The following CNTNAP4 variants were observed in gnomAD, a reference collection of about 807,000 sequenced individuals.
CNTNAP4 encodes the protein contactin-associated protein-like 4.
A neutral mutation model predicts 148.4 loss-of-function variants in CNTNAP4; 98 were observed. The observed-to-expected ratio is 0.66, with a 90% CI of 0.56 to 0.78. The LOEUF (loss-of-function observed/expected upper bound fraction) is 0.78. CNTNAP4 is among the 30% of genes least tolerant of loss of function. The pLI, the probability that CNTNAP4 is intolerant of heterozygous loss-of-function variation, is 0.00. For missense variants in CNTNAP4, 1,935 were observed against 1,565.6 expected, an observed-to-expected ratio of 1.24 and a Z score of -3.98; for synonymous variants, 730 against 565.1, an observed-to-expected ratio of 1.29 and a Z score of -4.14.
chr16:76,347,694 T>C (rs1597273012), intron 2 of CNTNAP4, among the ~76,000 whole-genome samples: 1 of 152,258 alleles, frequency 6.6e-6, no homozygotes, highest in African/African-American at 2.4e-5. Context: ...GAGAAGAGCA[T>C]TCCTGGCAGA....
At chr16:76,516,348 G>A (rs1319172282) in intron 15 of CNTNAP4, among the ~76,000 whole-genome samples, 1 of 152,144 alleles carries the variant, frequency 6.6e-6, no homozygotes, top group African/African-American at 2.4e-5. Context: ...ATCATTGATG[G>A]GCATTTGGGT....
chr16:76,421,065 T>G (rs2079172843), intron 3 of CNTNAP4, among the ~76,000 whole-genome samples: 2 of 152,064 alleles, frequency 1.3e-5, no homozygotes, highest in South Asian at 2.1e-4. Flanking sequence ...CAGCCAAGTT[T>G]GCATCTTTCC....
intron 12 of CNTNAP4, among the ~76,000 whole-genome samples, chr16:76,488,932 C>T (rs1361478697): frequency 1.3e-5 from 2 of 152,242 alleles, no homozygotes; most frequent in South Asian, 4.1e-4. Flanking sequence ...CTAGTAGATA[C>T]TCAAAGATAT....
chr16:76,376,674 G>A (rs1029598865), intron 3 of CNTNAP4, among the ~76,000 whole-genome samples: 14 of 152,200 alleles, frequency 9.2e-5, no homozygotes, highest in African/African-American at 3.4e-4. Context: ...GTGTGCAACT[G>A]TGCATACACA....
At chr16:76,335,921 G>C (rs1339510085) in intron 2 of CNTNAP4, among the ~76,000 whole-genome samples, 1 of 152,126 alleles carries the variant, frequency 6.6e-6, no homozygotes, top group Non-Finnish European at 1.5e-5. Context: ...ACACAGAGCA[G>C]AATGGAAGCT....
chr16:76,503,200 T>C (rs1258192315), intron 15 of CNTNAP4, among the ~76,000 whole-genome samples: 1 of 152,186 alleles, frequency 6.6e-6, no homozygotes, highest in East Asian at 1.9e-4. Flanking sequence ...AAGTTCAGGA[T>C]AAAGGCAAGA....
chr16:76,321,860 A>G (rs1962455685), intron 2 of CNTNAP4, among the ~76,000 whole-genome samples: 1 of 151,968 alleles, frequency 6.6e-6, no homozygotes, highest in Non-Finnish European at 1.5e-5. Context: ...TTAATAACCA[A>G]TACTTTCTGT....
intron 1 of CNTNAP4, among the ~76,000 whole-genome samples, chr16:76,296,223 A>T (rs1959280151): frequency 2.0e-5 from 3 of 152,342 alleles, no homozygotes; most frequent in Middle Eastern, 3.4e-3. Context: ...TTTTGGCAAG[A>T]ATAAGAATTT....
chr16:76,377,994 C>T (rs2015592295), intron 3 of CNTNAP4, among the ~76,000 whole-genome samples: 1 of 152,170 alleles, frequency 6.6e-6, no homozygotes, highest in Admixed American at 6.5e-5. Context: ...AGGAGTTACA[C>T]ACCTCTCACA....
intron 15 of CNTNAP4, 133 bp from the exon 16 acceptor site, chr16:76,521,007 A>C (rs1017433040): frequency 1.3e-6 from 1 of 773,932 alleles, no homozygotes; most frequent in South Asian, 1.8e-5. Flanking sequence ...GACAGAAAAA[A>C]AGAGCAGATT....
At chr16:76,481,312 A>T (rs2081818666) in intron 12 of CNTNAP4, among the ~76,000 whole-genome samples, 1 of 152,248 alleles carries the variant, frequency 6.6e-6, no homozygotes, top group South Asian at 2.1e-4. Flanking sequence ...TTCTAATTTA[A>T]TTAAAATTAA....
At chr16:76,516,547 G>T (rs1206011217) in intron 15 of CNTNAP4, among the ~76,000 whole-genome samples, 1 of 152,190 alleles carries the variant, frequency 6.6e-6, no homozygotes, top group Non-Finnish European at 1.5e-5. Flanking sequence ...TCCAGTGATT[G>T]TACTCTTGGG....
At chr16:76,493,482 C>G (rs903303939) in intron 13 of CNTNAP4, among the ~76,000 whole-genome samples, 2 of 55,152 alleles carry the variant, frequency 3.6e-5, no homozygotes, top group African/African-American at 8.3e-5. Flanking sequence ...ATTTAAATTC[C>G]TTAGTATTTT....
intron 1 of CNTNAP4, among the ~76,000 whole-genome samples, chr16:76,293,861 G>A (rs534939030): frequency 1.3e-5 from 2 of 148,390 alleles, no homozygotes; most frequent in African/African-American, 2.5e-5. Context: ...ATTGATGCCC[G>A]TGACTGAATG....
intron 3 of CNTNAP4, among the ~76,000 whole-genome samples, chr16:76,360,130 A>G (rs1236194693): frequency 6.6e-6 from 1 of 152,190 alleles, no homozygotes; most frequent in Non-Finnish European, 1.5e-5. Flanking sequence ...TATTGCCTAT[A>G]TGAAGTTAGT....
At chr16:76,523,168 A>G (rs1335070435) in intron 17 of CNTNAP4, among the ~76,000 whole-genome samples, 1 of 152,002 alleles carries the variant, frequency 6.6e-6, no homozygotes, top group East Asian at 1.9e-4. Flanking sequence ...CTCTGTTCTC[A>G]GAATTGTTGA....
intron 17 of CNTNAP4, among the ~76,000 whole-genome samples, chr16:76,523,250 C>T (rs1435856848): frequency 7.2e-6 from 1 of 139,428 alleles, no homozygotes; most frequent in Non-Finnish European, 1.6e-5. Flanking sequence ...CCCCCCGCCC[C>T]ACCAACCATC....
chr16:76,288,651 C>T (rs2143806999), intron 1 of CNTNAP4, among the ~76,000 whole-genome samples: 1 of 152,268 alleles, frequency 6.6e-6, no homozygotes, highest in Non-Finnish European at 1.5e-5. Flanking sequence ...GTTTCCTTTG[C>T]AAAACTGAAA....
At chr16:76,358,103 G>A (rs889859687) in intron 3 of CNTNAP4, among the ~76,000 whole-genome samples, 2 of 152,218 alleles carry the variant, frequency 1.3e-5, no homozygotes, top group African/African-American at 2.4e-5. Flanking sequence ...GGAGGCCAAG[G>A]TGGAAGGATC....
Sources: allele counts gnomAD v4.1 joint callset (sites outside exome capture counted in the v4.1 genomes callset), GRCh38; gene constraint gnomAD v4.1.1; transcripts MANE v1.5; gene names NCBI Gene and HGNC (gene_info 2026-07-23, HGNC 2026-07-21).